The following CERS4 variants were observed in gnomAD, a reference collection of about 807,000 sequenced individuals.
The protein encoded by CERS4 is LAG1 homolog, ceramide synthase 4.
A neutral mutation model predicts 51.8 loss-of-function variants in CERS4; 65 were observed. The observed-to-expected ratio is 1.26, with a 90% CI of 1.03 to 1.54. The LOEUF (loss-of-function observed/expected upper bound fraction) is 1.54. Among genes scored for constraint, CERS4 ranks in the 40% most tolerant of loss-of-function variants. The pLI, the probability that CERS4 is intolerant of heterozygous loss-of-function variation, is 0.00. For synonymous variants in CERS4, 228 were observed against 208.4 expected (o/e 1.09, Z -0.81); for missense variants, 563 against 500.4 (o/e 1.13, Z -1.19).
rs770943490 is a variant in CERS4 at position 8,261,729 on chromosome 19, G to GCCC, written c.892_894dup (p.Pro298dup). ...TACTACGAGTCCATCAGCAACAGGG[G>GCCC]CCCCTTCTTCGGCTACTACTTCTTC... On this transcript the variant is annotated inframe_insertion, in exon 11 of 12. Coordinates refer to ENST00000251363, the MANE Select transcript of CERS4 (RefSeq NM_024552.3). 2.7e-4 allele frequency: 436 copies of GCCC among 1,614,130 alleles called. No individual in the cohort carries two copies. Among genetic ancestry groups the GCCC allele is most frequent in the Middle Eastern group, 1.8e-3 (11 of 6,056 alleles).
chr19:8,239,480 G>A (rs1280958399), intron 2 of CERS4: 1 of 152,228 alleles, frequency 6.6e-6, no homozygotes, highest in Non-Finnish European at 1.5e-5. Context: ...CAAGTAGAAG[G>A]AGGAGCTTGC....
chr19:8,223,394 G>A (rs1967643506), intron 2 of CERS4, among the ~76,000 whole-genome samples: 1 of 151,492 alleles, frequency 6.6e-6, no homozygotes. Flanking sequence ...GAGGTGGGAG[G>A]ATCACTTGAG....
chr19:8,213,936 T>G (rs1296188950), intron 2 of CERS4, among the ~76,000 whole-genome samples: 1 of 152,110 alleles, frequency 6.6e-6, no homozygotes, highest in Non-Finnish European at 1.5e-5. Context: ...ACTGCACTAC[T>G]GCACTCCAGC....
At chr19:8,250,990 G>T in intron 2 of CERS4, 86 bp from the exon 3 acceptor site, 2 of 1,496,198 alleles carry the variant, frequency 1.3e-6, no homozygotes, top group East Asian at 2.5e-5. Context: ...CCGAGTAGGA[G>T]TTCTGAGGCT....
intron 2 of CERS4, among the ~76,000 whole-genome samples, chr19:8,238,085 C>G (rs886416613): frequency 5.9e-5 from 9 of 152,052 alleles, no homozygotes; most frequent in Admixed American, 1.3e-4. Context: ...GGGCTGGGGA[C>G]TGCTCATTTT....
intron 10 of CERS4, among the ~76,000 whole-genome samples, chr19:8,259,938 CCT>C (rs201203627): frequency 6.6e-6 from 1 of 151,750 alleles, no homozygotes; most frequent in African/African-American, 2.4e-5. Context: ...AGATTACATC[CCT>C]CCTCTGGCTG....
Position 8,261,498 on chromosome 19 carries a change from G to T in CERS4, c.849-190G>T. ...GTCAGGGAGCTCGTGTGTGTGTTCT[G>T]CTCATTTAGTACAAGCGAGAGGGGG... On this transcript the variant is annotated intron_variant, in intron 10 of 11. Transcript: ENST00000251363. 1.3e-5 allele frequency: 8 copies of T among 623,076 alleles called. No individual in the cohort carries two copies. The South Asian group carries it at 1.5e-4, about 12-fold the overall frequency. The allele number at this position is 623,076 out of a possible 1,614,324, so 38.6% of individuals were successfully genotyped here.
chr19:8,257,129 A>C (rs1599594134), intron 9 of CERS4, 52 bp downstream of exon 9: 2 of 1,528,200 alleles, frequency 1.3e-6, no homozygotes, highest in East Asian at 2.3e-5. Context: ...CAGCCCTCCC[A>C]GGTGCCCCAG....
chr19:8,233,665 A>G (rs907803812), intron 2 of CERS4, among the ~76,000 whole-genome samples: 1 of 152,016 alleles, frequency 6.6e-6, no homozygotes, highest in African/African-American at 2.4e-5. Context: ...GCCATTGAAC[A>G]TAGCTCTTCC....
Position 8,245,111 on chromosome 19 carries a change from C to CA in CERS4, c.-1-5941dup, listed in dbSNP as rs74179480. 5.2e-3 allele frequency among the ~76,000 whole-genome samples: 113 copies of CA among 21,658 alleles called. 3 individuals carry two copies. The East Asian group carries it at 0.077, about 15-fold the overall frequency. 14.2% of individuals were successfully genotyped at this position (21,658 alleles called of 152,430 possible). A position where few individuals can be genotyped will look rare whatever the true frequency, so the allele number is the denominator to read the frequency against. ...TGGGCGACCGAGCGAGACTCCATCTCAAAAAAAAAAAAAAAAAAAAAAAAC... is the reference window on the plus strand; with the variant it reads ...TGGGCGACCGAGCGAGACTCCATCTCAAAAAAAAAAAAAAAAAAAAAAAAAC... On this transcript the variant is annotated intron_variant, in intron 2 of 11. Coordinates refer to ENST00000251363, the MANE Select transcript of CERS4 (RefSeq NM_024552.3).
intron 10 of CERS4, among the ~76,000 whole-genome samples, chr19:8,260,146 G>C (rs568445894): frequency 2.6e-5 from 4 of 151,986 alleles, no homozygotes; most frequent in Non-Finnish European, 5.9e-5. Flanking sequence ...AGGAAGGCGA[G>C]GTCGCTGGTC....
At chr19:8,221,255 C>T (rs1426000354) in intron 2 of CERS4, among the ~76,000 whole-genome samples, 1 of 152,018 alleles carries the variant, frequency 6.6e-6, no homozygotes, top group Non-Finnish European at 1.5e-5. Flanking sequence ...AGGTGTGAGC[C>T]ACTGTACCTG....
intron 3 of CERS4, 140 bp downstream of exon 3, chr19:8,251,389 G>C: frequency 7.3e-7 from 1 of 1,373,568 alleles, no homozygotes; most frequent in Admixed American, 3.4e-5. Context: ...GCTCCAGCCT[G>C]CCCCCAGCCG....
chr19:8,249,791 A>G (rs1282208483), intron 2 of CERS4, among the ~76,000 whole-genome samples: 5 of 151,534 alleles, frequency 3.3e-5, no homozygotes, highest in Non-Finnish European at 7.4e-5. Context: ...GGGTTTCACC[A>G]TGTTGGCCAG....
intron 2 of CERS4, among the ~76,000 whole-genome samples, chr19:8,229,376 T>G (rs1476022024): frequency 7.4e-6 from 1 of 134,644 alleles, no homozygotes; most frequent in Admixed American, 8.2e-5. Context: ...CCTTAGAGCC[T>G]TCTTCTTCTT....
At position 8,257,901 on chromosome 19, in the gene CERS4, T is replaced by C. The variant is rs1317150804; in HGVS notation, c.764T>C (p.Met255Thr). Residue 255 changes from methionine (M) to threonine (T), a missense_variant, in exon 10 of 12, where the codon ATG becomes ACG. Transcript: ENST00000251363. ...CAGGCCTGTAAGATGGTCAACTACA[T>C]GCAGTATCAGCAAGTGTGCGACGCT... ...LLEACKMVNY[M>T]QYQQVCDALF... 2 of 1,613,950 alleles carry C rather than the reference T, an allele frequency of 1.2e-6. No homozygotes were observed. Among genetic ancestry groups the C allele is most frequent in the Non-Finnish European group, 1.7e-6 (2 of 1,179,962 alleles).
At chr19:8,249,330 G>A (rs2145284309) in intron 2 of CERS4, among the ~76,000 whole-genome samples, 1 of 152,264 alleles carries the variant, frequency 6.6e-6, no homozygotes, top group Non-Finnish European at 1.5e-5. Context: ...TTCTGAGTGG[G>A]AACCACTGTG....
chr19:8,252,197 T>C lies in CERS4; in HGVS notation c.173+948T>C, dbSNP rs58475559. On this transcript the variant is annotated intron_variant, in intron 3 of 11. Transcript: ENST00000251363. The stretch of plus-strand genomic sequence containing the variant: ...CAGCCCGACAAACGTGGTGAAACCC[T>C]GTCTCTACTAAAAGTACAAAAAATT... Among the ~76,000 whole-genome samples the C allele has an allele frequency of 5.3e-5, 8 of 152,042 alleles. No individual in the cohort carries two copies. In the East Asian group the frequency reaches 1.6e-3, roughly 30 times the overall value.
chr19:8,243,946 T>C (rs1032208145), intron 2 of CERS4, among the ~76,000 whole-genome samples: 3 of 152,248 alleles, frequency 2.0e-5, no homozygotes, highest in Non-Finnish European at 4.4e-5. Context: ...ACTGGAAGGC[T>C]GACAGCTTCA....
Sources: allele counts gnomAD v4.1 joint callset (sites outside exome capture counted in the v4.1 genomes callset), GRCh38; gene constraint gnomAD v4.1.1; transcripts MANE v1.5; gene names NCBI Gene and HGNC (gene_info 2026-07-23, HGNC 2026-07-21).